The following DYRK1A variants were observed in gnomAD, a reference collection of about 807,000 sequenced individuals.
The protein encoded by DYRK1A is dual specificity tyrosine-phosphorylation-regulated kinase 1A.
In DYRK1A, 9 loss-of-function variants were observed where a neutral mutation model predicts 79.7. The ratio of observed to expected loss-of-function variants is 0.11; its 90% CI spans 0.07 to 0.20. The LOEUF (loss-of-function observed/expected upper bound fraction) is 0.20. DYRK1A is among the 10% of genes least tolerant of loss of function. The pLI is 1.00. For missense variants in DYRK1A, 622 were observed against 956.0 expected (o/e 0.65, Z 4.61); for synonymous variants, 349 against 329.7 (o/e 1.06, Z -0.63).
intron 1 of DYRK1A, among the ~76,000 whole-genome samples, chr21:37,408,590 C>T (rs1451132081): frequency 1.3e-5 from 2 of 152,114 alleles, no homozygotes; most frequent in Non-Finnish European, 2.9e-5. Context: ...GCACATAGAA[C>T]AGTCATTCTC....
At position 37,402,039 on chromosome 21, in the gene DYRK1A, T is replaced by C. The variant is rs548421053; in HGVS notation, c.-76-18260T>C. ...TGTAGTAGCCATAAAGAGCATCAGATTGATTTATCTGCCATCCCTTTGTGC... is the reference window on the plus strand; with the variant it reads ...TGTAGTAGCCATAAAGAGCATCAGACTGATTTATCTGCCATCCCTTTGTGC... On this transcript the variant is annotated intron_variant, in intron 1 of 11. Transcript: ENST00000647188. 5.3e-5 allele frequency among the ~76,000 whole-genome samples: 8 copies of C among 152,300 alleles called. No homozygotes were observed. The South Asian group carries it at 1.2e-3, about 24-fold the overall frequency.
In DYRK1A at chr21:37,434,489, C is replaced by T. The variant is rs549702225; in HGVS notation, c.10+14105C>T. Among the ~76,000 whole-genome samples the T allele has an allele frequency of 2.0e-5, 3 of 152,254 alleles. No individual in the cohort carries two copies. In the South Asian group the frequency reaches 6.2e-4, roughly 32 times the overall value. ...TCAGAATTGTCAGAACACTGATGTT[C>T]TTTAAAACTATCTTTGTAGCTGTTA... On this transcript the variant is annotated intron_variant, in intron 2 of 11. Coordinates refer to ENST00000647188, the MANE Select transcript of DYRK1A (RefSeq NM_001347721.2).
At chr21:37,420,466 C>T in intron 2 of DYRK1A, 82 bp downstream of exon 2, 1 of 1,418,730 alleles carries the variant, frequency 7.0e-7, no homozygotes, top group Non-Finnish European at 9.9e-7. Context: ...GGGGAGGTTT[C>T]TGATAAATAG....
At chr21:37,447,941 T>C (rs1569330739) in intron 2 of DYRK1A, among the ~76,000 whole-genome samples, 1 of 152,170 alleles carries the variant, frequency 6.6e-6, no homozygotes, top group Non-Finnish European at 1.5e-5. Context: ...TTAACAAGTT[T>C]ATGTAAATTA....
At chr21:37,465,461 T>G (rs2051994249) in intron 2 of DYRK1A, among the ~76,000 whole-genome samples, 1 of 152,234 alleles carries the variant, frequency 6.6e-6, no homozygotes, top group Non-Finnish European at 1.5e-5. Flanking sequence ...ACTACTTGAA[T>G]TAGTTGGAGA....
intron 1 of DYRK1A, among the ~76,000 whole-genome samples, chr21:37,401,322 C>A (rs2050048726): frequency 6.6e-6 from 1 of 152,036 alleles, no homozygotes; most frequent in Non-Finnish European, 1.5e-5. Context: ...TTTTCATGGT[C>A]ATGAGCCAAT....
intron 1 of DYRK1A, among the ~76,000 whole-genome samples, chr21:37,392,690 A>G (rs1427245423): frequency 6.6e-6 from 1 of 152,228 alleles, no homozygotes; most frequent in African/African-American, 2.4e-5. Context: ...GTTAGGGCCT[A>G]ATGTAGAAAT....
chr21:37,381,680 C>T (rs1436382331), intron 1 of DYRK1A, among the ~76,000 whole-genome samples: 3 of 152,110 alleles, frequency 2.0e-5, no homozygotes, highest in East Asian at 3.9e-4. Context: ...TCCAGCTACT[C>T]GGGAGCCTGA....
At position 37,478,648 on chromosome 21, in the gene DYRK1A, TTAGAATTTTTGC is replaced by T. The variant is rs370031098; in HGVS notation, c.300+359_300+370del. 7.4e-4 allele frequency among the ~76,000 whole-genome samples: 112 copies of T among 152,292 alleles called. 1 individual carries two copies. The highest frequency in any genetic ancestry group is 1.2e-3 in the Non-Finnish European group (81 of 68,028). ...TAAGGACTCTAAAAGTATATATGTG[TTAGAATTTTTGC>T]TAGAATTTTTATATATTTGTTTCTG... On this transcript the variant is annotated intron_variant, in intron 4 of 11. Transcript: ENST00000647188.
rs755209325 is a variant in DYRK1A, at chr21:37,511,877, T to C, written c.1645-34T>C. 3 of 1,592,018 alleles carry C rather than the reference T, an allele frequency of 1.9e-6. No individual in the cohort carries two copies. The African/African-American group carries it at 4.0e-5, about 21-fold the overall frequency. The stretch of plus-strand genomic sequence containing the variant: ...GAAGATTAAAGCTTGGAAACAGTCC[T>C]CTGAAAAATCCTTTTAAAAATCTGT... On this transcript the variant is annotated intron_variant, in intron 11 of 11. Transcript: ENST00000647188.
chr21:37,509,093 A>G (rs2053679914), intron 11 of DYRK1A, among the ~76,000 whole-genome samples: 1 of 152,252 alleles, frequency 6.6e-6, no homozygotes, highest in Admixed American at 6.5e-5. Flanking sequence ...AAATAAGTAA[A>G]TATAAAAGGG....
chr21:37,443,274 C>T (rs372966900), intron 2 of DYRK1A, among the ~76,000 whole-genome samples: 2 of 152,144 alleles, frequency 1.3e-5, no homozygotes, highest in Non-Finnish European at 2.9e-5. Flanking sequence ...CCTCCCAAAG[C>T]ACTGGGATTA....
chr21:37,516,873 C>T lies in DYRK1A; in HGVS notation c.*4342C>T, dbSNP rs1381376713. The T allele has an allele frequency of 6.6e-6, 1 of 152,214 alleles. No individual in the cohort carries two copies. The highest frequency in any genetic ancestry group is 1.5e-5 in the Non-Finnish European group (1 of 68,048). The allele number at this position is 152,214 out of a possible 1,614,324, so 9.4% of individuals were successfully genotyped here. ...AAATCTTAGGAGACAAAGTGTTTCT[C>T]CAACTGGACGCTGATTTGAAACACA... On this transcript the variant is annotated 3_prime_UTR_variant, in exon 12 of 12. Coordinates refer to ENST00000647188, the MANE Select transcript of DYRK1A (RefSeq NM_001347721.2).
intron 8 of DYRK1A, among the ~76,000 whole-genome samples, chr21:37,494,132 T>G (rs960982197): frequency 3.9e-5 from 6 of 151,968 alleles, no homozygotes; most frequent in Non-Finnish European, 1.5e-5. Context: ...CCTCAAGTGG[T>G]CTGCCCGTCT....
chr21:37,492,853 A>G (rs1873357937), intron 7 of DYRK1A, among the ~76,000 whole-genome samples, 164 bp from the exon 8 acceptor site: 1 of 152,184 alleles, frequency 6.6e-6, no homozygotes, highest in South Asian at 2.1e-4. Context: ...CAAAATGTTT[A>G]GTTCTTTAAG....
At chr21:37,482,909 A>G (rs1229300697) in intron 5 of DYRK1A, among the ~76,000 whole-genome samples, 1 of 152,204 alleles carries the variant, frequency 6.6e-6, no homozygotes, top group Non-Finnish European at 1.5e-5. Flanking sequence ...CGCCCGGGTC[A>G]GTGGTCAGAA....
chr21:37,463,218 G>GTGTGTGTGTT (rs1196732970), intron 2 of DYRK1A, among the ~76,000 whole-genome samples: 3 of 151,644 alleles, frequency 2.0e-5, no homozygotes, highest in African/African-American at 7.3e-5. Context: ...GTGTGTGTGT[G>GTGTGTGTGTT]TGTGTGTGTG....
At chr21:37,511,576 T>G (rs972302258) in intron 11 of DYRK1A, among the ~76,000 whole-genome samples, 2 of 152,322 alleles carry the variant, frequency 1.3e-5, no homozygotes, top group Non-Finnish European at 2.9e-5. Context: ...GACTTCCTTT[T>G]GGACCTGCCC....
At chr21:37,507,503 A>C (rs7281199) in intron 11 of DYRK1A, among the ~76,000 whole-genome samples, 11,977 of 151,282 alleles carry the variant, frequency 0.079, 1,600 homozygotes, top group African/African-American at 0.27. Context: ...CTGCCCTCCA[A>C]CTCTCCTGCC....
Sources: gnomAD v4.1 joint callset for allele counts (sites outside exome capture counted in the v4.1 genomes callset) on GRCh38, gnomAD v4.1.1 for gene constraint, MANE v1.5 for transcripts, NCBI Gene and HGNC (gene_info 2026-07-23, HGNC 2026-07-21) for gene names.